Variants in SLC4A8 observed in about 807,000 individuals in gnomAD.
The protein encoded by SLC4A8 is solute carrier family 4 member 8.
Under a neutral mutation model 125.0 loss-of-function variants are expected in SLC4A8, and 40 were observed. That is an observed-to-expected ratio of 0.32 (90% CI 0.25 to 0.42). SLC4A8 has a LOEUF of 0.42. Ranked by LOEUF, SLC4A8 falls within the 10% of genes least tolerant of loss-of-function variation. The probability of loss-of-function intolerance (pLI) is 1.00; values close to 1 mark genes in which losing one functional copy is unlikely to be tolerated. For synonymous variants in SLC4A8, 456 were observed against 476.0 expected, an observed-to-expected ratio of 0.96 and a Z score of 0.55; for missense variants, 863 against 1,355.1, an observed-to-expected ratio of 0.64 and a Z score of 5.70.
intron 11 of SLC4A8, 89 bp from the exon 12 acceptor site, chr12:51,469,525 C>A: frequency 1.7e-6 from 2 of 1,174,906 alleles, no homozygotes; most frequent in Non-Finnish European, 2.5e-6. Flanking sequence ...CTGAACAGAG[C>A]ACATTTGAAA....
At chr12:51,448,330 A>G (rs1218974638) in intron 2 of SLC4A8, among the ~76,000 whole-genome samples, 2 of 152,148 alleles carry the variant, frequency 1.3e-5, no homozygotes, top group Non-Finnish European at 2.9e-5. Flanking sequence ...TTGAAAATCT[A>G]AGGTAACGCT....
intron 11 of SLC4A8, among the ~76,000 whole-genome samples, chr12:51,469,343 A>AT (rs1950622546): frequency 6.6e-6 from 1 of 152,010 alleles, no homozygotes; most frequent in East Asian, 1.9e-4. Context: ...TTTCGTGTTA[A>AT]TTTTTTTGAA....
chr12:51,505,854 A>T lies in SLC4A8; in HGVS notation c.3193A>T (p.Asn1065Tyr). ...TTTCAGATGTGACCCCTCTGAGATT[A>T]ATATATCTGATGAAATGCCTAAAAC... is the stretch of plus-strand genomic sequence containing the variant. Reference protein sequence around the residue: ...ISCRCDPSEINISDEMPKTTV... With the variant: ...ISCRCDPSEIYISDEMPKTTV... Residue 1065 changes from asparagine (N) to tyrosine (Y), a missense_variant, in exon 24 of 25, where the codon AAT (asparagine) becomes TAT (tyrosine). Physicochemically the swap from Asn to Tyr is moderately radical, Grantham distance 143. Coordinates refer to ENST00000453097, the MANE Select transcript of SLC4A8 (RefSeq NM_001039960.3). 1 of 1,557,546 alleles carries T rather than the reference A, an allele frequency of 6.4e-7. No homozygotes were observed. The highest frequency in any genetic ancestry group is 8.8e-7 in the Non-Finnish European group (1 of 1,131,238).
intron 16 of SLC4A8, chr12:51,480,651 G>A (rs556383575): frequency 2.6e-4 from 251 of 984,150 alleles, no homozygotes; most frequent in African/African-American, 6.5e-4. Context: ...CTAAATGCCC[G>A]TGTAACTAAT....
upstream of SLC4A8, chr12:51,422,090 G>C (rs897403287): frequency 2.0e-5 from 3 of 152,292 alleles, no homozygotes; most frequent in Admixed American, 2.0e-4. Flanking sequence ...AAAGTGTTTT[G>C]AATTAATAGA....
At chr12:51,473,923 G>T (rs1426084572) in intron 14 of SLC4A8, among the ~76,000 whole-genome samples, 1 of 152,182 alleles carries the variant, frequency 6.6e-6, no homozygotes, top group Non-Finnish European at 1.5e-5. Flanking sequence ...AGATATTCAG[G>T]CTTGGAAGAA....
At chr12:51,489,658 A>G (rs1475760172) in intron 18 of SLC4A8, 42 bp from the exon 19 acceptor site, 1 of 1,611,204 alleles carries the variant, frequency 6.2e-7, no homozygotes, top group South Asian at 1.1e-5. Context: ...GCCCTACTAC[A>G]GCTAGCCTAC....
At chr12:51,429,234 G>A (rs538314497) in intron 1 of SLC4A8, among the ~76,000 whole-genome samples, 11 of 152,298 alleles carry the variant, frequency 7.2e-5, no homozygotes, top group African/African-American at 2.4e-4. Flanking sequence ...GTAATTCTAA[G>A]TGCCAGGGTT....
At chr12:51,400,799 CACAT>C (rs553261824) in intron 1 of SLC4A8, among the ~76,000 whole-genome samples, 6,625 of 89,178 alleles carry the variant, frequency 0.074, 1,062 homozygotes, top group African/African-American at 0.21. Flanking sequence ...CACACACACA[CACAT>C]ATATAAACAT....
chr12:51,430,165 C>G (rs1230886254), intron 1 of SLC4A8, among the ~76,000 whole-genome samples: 1 of 151,862 alleles, frequency 6.6e-6, no homozygotes, highest in Non-Finnish European at 1.5e-5. Flanking sequence ...AATAATAAAC[C>G]CTGGTAAGTG....
intron 21 of SLC4A8, among the ~76,000 whole-genome samples, chr12:51,495,817 A>C (rs375384772): frequency 4.6e-5 from 7 of 152,074 alleles, no homozygotes; most frequent in Non-Finnish European, 5.9e-5. Context: ...TAATGTCTTC[A>C]AGGTTCATCC....
At position 51,471,309 on chromosome 12, in the gene SLC4A8, T is replaced by G. The variant is rs1426042481; in HGVS notation, c.1681T>G (p.Ser561Ala). The G allele has an allele frequency of 1.9e-6, 3 of 1,613,162 alleles. No individual in the cohort carries two copies. In the South Asian group the frequency reaches 3.3e-5, roughly 18 times the overall value. Reference protein sequence around the residue: ...FCKDYALSYLSLRACIGLWTA... With the variant: ...FCKDYALSYLALRACIGLWTA... ...CAGAGACTATGCTCTTTCATACCTC[T>G]CCCTGCGAGCTTGTATTGGACTGTG... The change falls in exon 14 of 25, where the codon TCC becomes GCC. Residue 561 changes from serine to alanine, a missense_variant. By Grantham distance (99) the Ser-to-Ala change is moderately conservative. Transcript: ENST00000453097.
chr12:51,447,098 A>G (rs1949798304), intron 2 of SLC4A8, among the ~76,000 whole-genome samples: 1 of 84,260 alleles, frequency 1.2e-5, no homozygotes, highest in African/African-American at 4.1e-5. Context: ...ATCTAGAGAT[A>G]GGGTCTCATT....
chr12:51,409,136 C>T (rs569694110), intron 1 of SLC4A8, among the ~76,000 whole-genome samples: 3 of 152,166 alleles, frequency 2.0e-5, no homozygotes, highest in East Asian at 1.9e-4. Context: ...GCAATCCTCC[C>T]GTCTCAGCCT....
intron 3 of SLC4A8, 23 bp downstream of exon 3, chr12:51,451,045 C>T (rs1163444451): frequency 6.2e-6 from 9 of 1,452,616 alleles, no homozygotes; most frequent in Middle Eastern, 2.3e-4. Context: ...GGAGACAGGG[C>T]GGGTGTCCAT....
intron 3 of SLC4A8, 26 bp downstream of exon 3, chr12:51,451,048 G>A (rs1299374690): frequency 1.4e-6 from 2 of 1,452,636 alleles, no homozygotes; most frequent in South Asian, 2.9e-5. Context: ...GACAGGGCGG[G>A]TGTCCATGGC....
At chr12:51,480,249 C>A in intron 16 of SLC4A8, 1 of 1,267,914 alleles carries the variant, frequency 7.9e-7, no homozygotes, top group South Asian at 1.3e-5. Flanking sequence ...TTCTTTATTT[C>A]AGATTGAGAG....
chr12:51,497,255 A>G (rs1279295508), intron 22 of SLC4A8, 131 bp downstream of exon 22: 10 of 1,002,626 alleles, frequency 1.0e-5, no homozygotes, highest in Admixed American at 7.8e-5. Flanking sequence ...ACCCCCAAAG[A>G]TGTTCTCAGC....
intron 22 of SLC4A8, among the ~76,000 whole-genome samples, chr12:51,502,713 G>T (rs1047309057): frequency 6.6e-6 from 1 of 151,980 alleles, no homozygotes; most frequent in African/African-American, 2.4e-5. Context: ...ACGTTGGCAT[G>T]GTTGTGGAGT....
Sources: gnomAD v4.1 joint callset for allele counts (sites outside exome capture counted in the v4.1 genomes callset) on GRCh38, gnomAD v4.1.1 for gene constraint, MANE v1.5 for transcripts, NCBI Gene and HGNC (gene_info 2026-07-23, HGNC 2026-07-21) for gene names.